APOH: variants seen among roughly 807,000 people sequenced by gnomAD.
The protein encoded by APOH is beta-2-glycoprotein 1.
In APOH, 48 loss-of-function variants were observed where a neutral mutation model predicts 39.8. The ratio of observed to expected loss-of-function variants is 1.21; its 90% CI spans 0.96 to 1.54. The LOEUF is 1.54. Ranked by LOEUF, APOH falls within the 40% of genes most tolerant of loss-of-function variation. APOH has a pLI of 0.00. For synonymous variants in APOH, 153 were observed against 151.1 expected, an observed-to-expected ratio of 1.01 and a Z score of -0.09; for missense variants, 415 against 421.2, an observed-to-expected ratio of 0.99 and a Z score of 0.13.
At chr17:66,223,639 A>C in intron 4 of APOH, 59 bp downstream of exon 4, 1 of 1,445,864 alleles carries the variant, frequency 6.9e-7, no homozygotes, top group Non-Finnish European at 9.7e-7. Context: ...TGAGACTTTG[A>C]GTGCTAAAAC....
At chr17:66,215,683 A>T (rs1221080094) in intron 6 of APOH, among the ~76,000 whole-genome samples, 1 of 152,168 alleles carries the variant, frequency 6.6e-6, no homozygotes, top group Non-Finnish European at 1.5e-5. Context: ...TTCTTTACTT[A>T]TGCATGACAC....
intron 3 of APOH, among the ~76,000 whole-genome samples, chr17:66,225,143 T>C (rs1328381932): frequency 6.6e-6 from 1 of 152,252 alleles, no homozygotes; most frequent in East Asian, 1.9e-4. Context: ...ACCAGACCCA[T>C]TGGTAGATTG....
chr17:66,228,154 G>C lies in APOH; in HGVS notation c.107C>G (p.Pro36Arg). The change falls in exon 2 of 8, where the codon CCG becomes CGG. Residue 36 changes from proline (P) to arginine (R), a missense_variant. By Grantham distance (103) the Pro-to-Arg change is moderately radical. Around this residue, in one of 3 missense-constraint regions of APOH, gnomAD observed 288 missense variants for 284.9 expected, o/e 1.01. Transcript: ENST00000205948. ...PDDLPFSTVVPLKTFYEPGEE... is the reference protein window; with the variant it reads ...PDDLPFSTVVRLKTFYEPGEE... Reference sequence around the variant, plus strand: ...TCCTGGCTCATAGAATGTTTTTAACGGGACCACTGTGGAAAATGGTAAATC... The same window carrying C: ...TCCTGGCTCATAGAATGTTTTTAACCGGACCACTGTGGAAAATGGTAAATC... The C allele has an allele frequency of 3.1e-6, 5 of 1,614,104 alleles. No homozygotes were observed. The South Asian group carries it at 4.4e-5, about 14-fold the overall frequency.
rs1433596837 is a variant in APOH, at chr17:66,228,173, G to T, written c.88C>A (p.Pro30Thr). 9 of 1,613,954 alleles carry T rather than the reference G, an allele frequency of 5.6e-6. No homozygotes were observed. The highest frequency in any genetic ancestry group is 7.6e-6 in the Non-Finnish European group (9 of 1,180,006). Residue 30 changes from proline (P) to threonine (T), a missense_variant, in exon 2 of 8, where the codon CCA becomes ACA. Physicochemically the swap from Pro to Thr is conservative, Grantham distance 38. Transcript: ENST00000205948. ...GRTCPKPDDL[P>T]FSTVVPLKTF... ...TTTAACGGGACCACTGTGGAAAATG[G>T]TAAATCATCTGGCTTGGGACAGGCT...
chr17:66,228,072 C>A lies in APOH; in HGVS notation c.189G>T (p.Lys63Asn). The A allele has an allele frequency of 6.2e-7, 1 of 1,614,204 alleles. No homozygotes were observed. The highest frequency in any genetic ancestry group is 8.5e-7 in the Non-Finnish European group (1 of 1,180,032). The change falls in exon 2 of 8, where the codon AAG (lysine) becomes AAT (asparagine). Residue 63 changes from lysine to asparagine, a missense_variant. By Grantham distance (94) the Lys-to-Asn change is moderately conservative (BLOSUM62 0). This residue lies in a region of APOH where 288 missense variants were observed against 284.9 expected (regional missense o/e 1.01). Transcript: ENST00000205948. The stretch of plus-strand genomic sequence containing the variant: ...ACAGTCCTGTGAGAGGGCAGATAAA[C>A]TTTCTCATCCCTCCTCGGGACACAT... ...PGYVSRGGMRKFICPLTGLWP... is the reference protein window; with the variant it reads ...PGYVSRGGMRNFICPLTGLWP...
chr17:66,216,103 G>A (rs7210892), intron 6 of APOH, among the ~76,000 whole-genome samples: 70,743 of 149,840 alleles, frequency 0.47, 18,378 homozygotes, highest in East Asian at 0.85. Flanking sequence ...GGGAGGTGAA[G>A]GTTGCAGGGA....
At chr17:66,212,530 A>T (rs567803947) in intron 7 of APOH, among the ~76,000 whole-genome samples, 3 of 152,150 alleles carry the variant, frequency 2.0e-5, no homozygotes, top group African/African-American at 7.2e-5. Flanking sequence ...GACTACAGGC[A>T]CGTGCCACCA....
chr17:66,221,259 G>GAA (rs1194400552), intron 4 of APOH, among the ~76,000 whole-genome samples: 2 of 108,994 alleles, frequency 1.8e-5, no homozygotes, highest in East Asian at 2.5e-4. Context: ...AAGAGAGAGA[G>GAA]AGAAAGAAAG....
intron 3 of APOH, among the ~76,000 whole-genome samples, chr17:66,224,357 G>A (rs1183961851): frequency 2.7e-5 from 4 of 150,390 alleles, no homozygotes; most frequent in Middle Eastern, 3.2e-3. Flanking sequence ...CAAGCTACTC[G>A]AGAGGTAGAG....
chr17:66,228,156 G>C lies in APOH; in HGVS notation c.105C>G (p.Val35=). The C allele has an allele frequency of 6.2e-7, 1 of 1,614,150 alleles. No individual in the cohort carries two copies. The highest frequency in any genetic ancestry group is 8.5e-7 in the Non-Finnish European group (1 of 1,180,018). Residue 35 remains valine, a synonymous_variant, in exon 2 of 8, where the codon GTC becomes GTG. Coordinates refer to ENST00000205948, the MANE Select transcript of APOH (RefSeq NM_000042.3). ...CTGGCTCATAGAATGTTTTTAACGG[G>C]ACCACTGTGGAAAATGGTAAATCAT... ...KPDDLPFSTV[V]PLKTFYEPGE...
chr17:66,219,487 C>G (rs534313336), intron 5 of APOH, among the ~76,000 whole-genome samples: 2 of 152,266 alleles, frequency 1.3e-5, no homozygotes, highest in South Asian at 4.1e-4. Flanking sequence ...GAGACCAGTG[C>G]CTGGCCCATA....
intron 6 of APOH, among the ~76,000 whole-genome samples, chr17:66,215,687 A>G (rs536249407): frequency 6.6e-6 from 1 of 152,266 alleles, no homozygotes; most frequent in African/African-American, 2.4e-5. Flanking sequence ...TTACTTATGC[A>G]TGACACTGAT....
rs150179394 is a variant in APOH at position 66,223,759 on chromosome 17, G to A, written c.354C>T (p.Gly118=). 8.2e-5 allele frequency: 132 copies of A among 1,614,096 alleles called. No individual in the cohort carries two copies. The Admixed American group carries it at 1.1e-3, about 14-fold the overall frequency. The change falls in exon 4 of 8, where the codon GGC becomes GGT. Residue 118 remains glycine, a synonymous_variant. Coordinates refer to ENST00000205948, the MANE Select transcript of APOH (RefSeq NM_000042.3). ...CCTCAGTGCACTTGGCAGAATCAGC[G>A]CCATTCAGATAAAACCTGCAAAAGG... ...FSCNTGFYLN[G]ADSAKCTEEG... is the part of the protein sequence containing the mutation.
intron 7 of APOH, among the ~76,000 whole-genome samples, chr17:66,213,226 C>G (rs2073345631): frequency 6.6e-6 from 1 of 152,236 alleles, no homozygotes; most frequent in African/African-American, 2.4e-5. Flanking sequence ...ACAGCTTCAG[C>G]CTCTGGCTGG....
At position 66,223,566 on chromosome 17, in the gene APOH, T is replaced by C. The variant is rs1344475379; in HGVS notation, c.415+132A>G. On this transcript the variant is annotated intron_variant, in intron 4 of 7. Coordinates refer to ENST00000205948, the MANE Select transcript of APOH (RefSeq NM_000042.3). ...CATCTTCTAGAGCAAGATACCAGGA[T>C]GAATATCCCCCACAAGGGTGACCAT... 3 of 760,916 alleles carry C rather than the reference T, an allele frequency of 3.9e-6. No individual in the cohort carries two copies. In the African/African-American group the frequency reaches 5.2e-5, roughly 13 times the overall value. The allele number at this position is 760,916 out of a possible 1,614,324, so 47.1% of individuals were successfully genotyped here. A position where few individuals can be genotyped will look rare whatever the true frequency, so the allele number is the denominator to read the frequency against.
At chr17:66,217,423 T>C (rs2073372622) in intron 5 of APOH, among the ~76,000 whole-genome samples, 1 of 146,482 alleles carries the variant, frequency 6.8e-6, no homozygotes, top group Non-Finnish European at 1.5e-5. Context: ...ATTCAGACTA[T>C]GGAAGAAGCC....
intron 6 of APOH, among the ~76,000 whole-genome samples, chr17:66,216,585 T>C (rs188605856): frequency 6.6e-6 from 1 of 152,274 alleles, no homozygotes; most frequent in African/African-American, 2.4e-5. Flanking sequence ...AAGGATCTGT[T>C]TATTTCATAC....
rs773465259 is a variant in APOH, at chr17:66,228,024, A to G, written c.237T>C (p.Cys79=). The change falls in exon 2 of 8, where the codon TGT becomes TGC. Residue 79 remains cysteine, a synonymous_variant. Coordinates refer to ENST00000205948, the MANE Select transcript of APOH (RefSeq NM_000042.3). ...TGLWPINTLK[C]TPRVCPFAGI... is the part of the protein sequence containing the mutation. ...TGAGAGAAGGTACTGACTTACGTGTACATTTCAGAGTGTTGATGGGCCACA... is the reference window on the plus strand; with the variant it reads ...TGAGAGAAGGTACTGACTTACGTGTGCATTTCAGAGTGTTGATGGGCCACA... The G allele has an allele frequency of 1.9e-6, 3 of 1,613,198 alleles. No homozygotes were observed. The South Asian group carries it at 3.3e-5, about 18-fold the overall frequency.
chr17:66,223,903 C>T, intron 3 of APOH, 129 bp from the exon 4 acceptor site: 1 of 793,946 alleles, frequency 1.3e-6, no homozygotes, highest in Middle Eastern at 2.6e-4. Flanking sequence ...ATGCTGTCTT[C>T]CTGACAAACT....
Sources: allele counts gnomAD v4.1 joint callset (sites outside exome capture counted in the v4.1 genomes callset), GRCh38; gene constraint gnomAD v4.1.1; regional missense constraint gnomAD v4.1.1; transcripts MANE v1.5; gene names NCBI Gene and HGNC (gene_info 2026-07-23, HGNC 2026-07-21).